The following SGCZ variants were observed in gnomAD, a reference collection of about 807,000 sequenced individuals.
SGCZ encodes sarcoglycan zeta.
SGCZ carries 40 observed loss-of-function variants against 41.3 expected under a neutral mutation model. The ratio of observed to expected loss-of-function variants is 0.97; its 90% CI spans 0.75 to 1.26. SGCZ has a LOEUF of 1.26. Among genes scored for constraint, SGCZ ranks in the 50% most tolerant of loss-of-function variants. The probability of loss-of-function intolerance (pLI) is 0.00; values close to 1 mark genes in which losing one functional copy is unlikely to be tolerated. For missense variants in SGCZ, 552 were observed against 369.8 expected (o/e 1.49, Z -4.04); for synonymous variants, 206 against 137.5 (o/e 1.50, Z -3.49).
intron 1 of SGCZ, among the ~76,000 whole-genome samples, chr8:15,132,090 G>T (rs755768016): frequency 2.0e-4 from 30 of 152,094 alleles, no homozygotes; most frequent in Non-Finnish European, 3.4e-4. Context: ...TGTTCATTTT[G>T]CTTACTTAAA....
chr8:14,852,726 T>A (rs1223165052), intron 1 of SGCZ, among the ~76,000 whole-genome samples: 1 of 152,218 alleles, frequency 6.6e-6, no homozygotes, highest in African/African-American at 2.4e-5. Flanking sequence ...TACATTATGT[T>A]GGAGCAGGAC....
At chr8:14,914,554 G>C (rs187768197) in intron 1 of SGCZ, among the ~76,000 whole-genome samples, 102 of 152,198 alleles carry the variant, frequency 6.7e-4, no homozygotes, top group Non-Finnish European at 1.2e-3. Context: ...TTTAAAAAAG[G>C]CTTATCAAGA....
intron 1 of SGCZ, among the ~76,000 whole-genome samples, chr8:14,705,172 CA>C (rs1374907196): frequency 7.9e-5 from 12 of 151,840 alleles, no homozygotes; most frequent in Non-Finnish European, 1.6e-4. Flanking sequence ...ATAACAAGAA[CA>C]AAAGCAAATT....
At chr8:14,200,615 G>GTTTGT in intron 4 of SGCZ, among the ~76,000 whole-genome samples, 1 of 151,976 alleles carries the variant, frequency 6.6e-6, no homozygotes, top group South Asian at 2.1e-4. Context: ...TTTTTTGTTT[G>GTTTGT]TTTGTTTTGT....
intron 2 of SGCZ, among the ~76,000 whole-genome samples, chr8:14,464,250 TTTTC>T (rs1459455359): frequency 6.6e-6 from 1 of 150,938 alleles, no homozygotes; most frequent in East Asian, 1.9e-4. Flanking sequence ...AATCTGGGGC[TTTTC>T]TTTGTCAGGA....
chr8:14,992,696 C>A (rs1414689213), intron 1 of SGCZ, among the ~76,000 whole-genome samples: 2 of 108,678 alleles, frequency 1.8e-5, no homozygotes, highest in African/African-American at 8.5e-5. Context: ...TTGATATTTA[C>A]CCCCCACCCA....
chr8:14,978,245 A>C (rs868650822), intron 1 of SGCZ, among the ~76,000 whole-genome samples: 1 of 151,446 alleles, frequency 6.6e-6, no homozygotes, highest in Non-Finnish European at 1.5e-5. Flanking sequence ...AGGGGGGTGG[A>C]TCACCTGAGG....
intron 1 of SGCZ, among the ~76,000 whole-genome samples, chr8:15,041,616 A>C (rs1804099777): frequency 6.6e-6 from 1 of 152,146 alleles, no homozygotes; most frequent in Non-Finnish European, 1.5e-5. Flanking sequence ...AGAGAAATGC[A>C]TATACTGATT....
intron 2 of SGCZ, among the ~76,000 whole-genome samples, chr8:14,503,342 C>CGTAGAT (rs1802209430): frequency 2.0e-5 from 3 of 152,120 alleles, no homozygotes; most frequent in African/African-American, 7.2e-5. Flanking sequence ...GAATACCTAA[C>CGTAGAT]GTAGATGATG....
At chr8:14,333,748 G>C (rs376859963) in intron 2 of SGCZ, among the ~76,000 whole-genome samples, 2 of 151,776 alleles carry the variant, frequency 1.3e-5, no homozygotes, top group African/African-American at 4.8e-5. Flanking sequence ...ATACACCAGG[G>C]AAATACTTTA....
Position 14,355,856 on chromosome 8 carries a change from T to C in SGCZ, c.235-31652A>G, listed in dbSNP as rs1222134096. Among the ~76,000 whole-genome samples, 4 of 152,116 alleles carry C rather than the reference T, an allele frequency of 2.6e-5. No individual in the cohort carries two copies. The East Asian group carries it at 7.7e-4, about 29-fold the overall frequency. ...TGGTCTAGTGTCAGATCTTCTATAT[T>C]TTGACATCTAAGAAGGTCTGTGAGT... On this transcript the variant is annotated intron_variant, in intron 2 of 7. Transcript: ENST00000382080.
At chr8:14,311,520 T>C (rs1488223597) in intron 3 of SGCZ, among the ~76,000 whole-genome samples, 1 of 152,162 alleles carries the variant, frequency 6.6e-6, no homozygotes, top group Non-Finnish European at 1.5e-5. Context: ...TCAAATCTTT[T>C]TGGATCACAT....
chr8:14,808,603 G>A (rs1001688100), intron 1 of SGCZ, among the ~76,000 whole-genome samples: 8 of 152,182 alleles, frequency 5.3e-5, no homozygotes. Flanking sequence ...AGGATGTGGA[G>A]AAATAGGAAC....
At chr8:14,543,193 C>A (rs767320311) in intron 2 of SGCZ, among the ~76,000 whole-genome samples, 1 of 151,956 alleles carries the variant, frequency 6.6e-6, no homozygotes. Context: ...GTAAGTACTT[C>A]AGAATGCTTT....
intron 1 of SGCZ, among the ~76,000 whole-genome samples, chr8:14,635,875 A>G (rs903548907): frequency 6.6e-6 from 1 of 151,810 alleles, no homozygotes; most frequent in Admixed American, 6.6e-5. Flanking sequence ...CAGAATTTAC[A>G]TTTTACTTGG....
chr8:14,264,455 C>T (rs967652839), intron 3 of SGCZ, among the ~76,000 whole-genome samples: 1 of 152,128 alleles, frequency 6.6e-6, no homozygotes, highest in Non-Finnish European at 1.5e-5. Context: ...TGCCAGATTT[C>T]CCTTCCTTCA....
chr8:14,588,182 G>T (rs1464039259), intron 1 of SGCZ, among the ~76,000 whole-genome samples: 1 of 122,130 alleles, frequency 8.2e-6, no homozygotes, highest in Non-Finnish European at 1.7e-5. Context: ...TTCAGGAATA[G>T]CCATTGATTA....
At chr8:14,673,899 A>G (rs942679412) in intron 1 of SGCZ, among the ~76,000 whole-genome samples, 2 of 152,166 alleles carry the variant, frequency 1.3e-5, no homozygotes, top group Non-Finnish European at 2.9e-5. Flanking sequence ...TACACAATAT[A>G]TTCATTTTTA....
chr8:14,692,472 G>GTAA (rs1160695211), intron 1 of SGCZ, among the ~76,000 whole-genome samples: 1 of 151,990 alleles, frequency 6.6e-6, no homozygotes, highest in Non-Finnish European at 1.5e-5. Context: ...CAATAATACA[G>GTAA]TAATACCATA....
Sources: allele counts gnomAD v4.1 joint callset (sites outside exome capture counted in the v4.1 genomes callset), GRCh38; gene constraint gnomAD v4.1.1; transcripts MANE v1.5; gene names NCBI Gene and HGNC (gene_info 2026-07-23, HGNC 2026-07-21).